The following PITPNM3 variants were observed in gnomAD, a reference collection of about 807,000 sequenced individuals.
PITPNM3 encodes PITPNM family member 3, also known as membrane-associated phosphatidylinositol transfer protein 3.
Under a neutral mutation model 102.0 loss-of-function variants are expected in PITPNM3, and 26 were observed. The observed-to-expected ratio is 0.25, with a 90% CI of 0.19 to 0.35. The LOEUF (loss-of-function observed/expected upper bound fraction) is 0.35. PITPNM3 is among the 10% of genes least tolerant of loss of function. PITPNM3 has a pLI of 1.00. For missense variants in PITPNM3, 1,083 were observed against 1,346.1 expected, an observed-to-expected ratio of 0.80 and a Z score of 3.06; for synonymous variants, 578 against 558.6, an observed-to-expected ratio of 1.03 and a Z score of -0.49.
At chr17:6,534,741 C>T (rs1282831995) in intron 2 of PITPNM3, among the ~76,000 whole-genome samples, 2 of 152,200 alleles carry the variant, frequency 1.3e-5, no homozygotes, top group Non-Finnish European at 2.9e-5. Flanking sequence ...AGTGTAGACG[C>T]CGCTTGGTTT....
rs759388090 is a variant in PITPNM3, at chr17:6,457,048, G to A, written c.2619+546C>T. ...TCAGAGTCCCCACACAGGCCATCTT[G>A]GCCGCACTGACCGTTCTAGCCCCGC... is the stretch of plus-strand genomic sequence containing the variant. On this transcript the variant is annotated intron_variant, in intron 19 of 19. Coordinates refer to ENST00000262483, the MANE Select transcript of PITPNM3 (RefSeq NM_031220.4). The surrounding 1 kb of genome is among the most constrained non-coding windows in gnomAD (Gnocchi z 4.7). Among the ~76,000 whole-genome samples the A allele has an allele frequency of 3.5e-4, 53 of 151,424 alleles. No homozygotes were observed. The highest frequency in any genetic ancestry group is 1.4e-3 in the Admixed American group (22 of 15,184).
rs925487174 is a variant in PITPNM3, at chr17:6,470,510, G to A, written c.1625-102C>T. ...CACAGACTGGTGGTGGATGCCCCAC[G>A]TGGGGCACGGGTTTGGGCGGGAGCA... On this transcript the variant is annotated intron_variant, in intron 12 of 19. Transcript: ENST00000262483. The surrounding 1 kb of genome is among the most constrained non-coding windows in gnomAD (Gnocchi z 4.8). The A allele has an allele frequency of 4.3e-5, 65 of 1,514,872 alleles. No homozygotes were observed. The East Asian group carries it at 6.6e-4, about 15-fold the overall frequency. 93.8% of individuals were successfully genotyped at this position (1,514,872 alleles called of 1,614,324 possible). A position where few individuals can be genotyped will look rare whatever the true frequency, so the allele number is the denominator to read the frequency against.
rs771152807 is a variant in PITPNM3, at chr17:6,478,139, G to C, written c.778-42C>G. ...TGGGACTGCAGGCCTGCCCACTGCT[G>C]ACCCCTCACCCCCACACCCGGCCAG... On this transcript the variant is annotated intron_variant, in intron 7 of 19. Transcript: ENST00000262483. This position sits in a 1 kb window ranked among gnomAD's most constrained non-coding sequence, Gnocchi z 4.4. 4.3e-6 allele frequency: 7 copies of C among 1,610,262 alleles called. No homozygotes were observed. In the African/African-American group the frequency reaches 6.7e-5, roughly 15 times the overall value.
chr17:6,456,431 C>A (rs1243828160), intron 19 of PITPNM3, among the ~76,000 whole-genome samples: 1 of 152,088 alleles, frequency 6.6e-6, no homozygotes, highest in Admixed American at 6.5e-5. Context: ...CTGAGCCCTG[C>A]GACTGCCCTC....
chr17:6,460,934 A>G (rs1392582720), intron 18 of PITPNM3: 9 of 276,054 alleles, frequency 3.3e-5, no homozygotes, highest in South Asian at 3.1e-4. Context: ...TGGTGCTGCT[A>G]GTGGGAACCA....
intron 3 of PITPNM3, 57 bp downstream of exon 3, chr17:6,525,299 C>CG: frequency 6.8e-7 from 1 of 1,473,154 alleles, no homozygotes; most frequent in Non-Finnish European, 9.5e-7. Context: ...AGCCCTACAG[C>CG]CCCCCCTGCA....
chr17:6,471,789 G>A (rs1196205351), intron 11 of PITPNM3, among the ~76,000 whole-genome samples: 1 of 152,158 alleles, frequency 6.6e-6, no homozygotes, highest in African/African-American at 2.4e-5. Context: ...GGGGACTCCA[G>A]CCTGAGAGCT....
At chr17:6,526,425 A>G (rs1021538581) in intron 2 of PITPNM3, among the ~76,000 whole-genome samples, 3 of 152,212 alleles carry the variant, frequency 2.0e-5, no homozygotes, top group African/African-American at 4.8e-5. Flanking sequence ...CGCAGAACAG[A>G]CATCAAAGGG....
Position 6,457,591 on chromosome 17 carries a change from C to A in PITPNM3, c.2619+3G>T, listed in dbSNP as rs1164465024. Reference sequence around the variant, plus strand: ...CCCCGCCTCCAGCCCCGCCTCCACCCACCTGGCACTGGGTTTGGTACTTCT... The same window carrying A: ...CCCCGCCTCCAGCCCCGCCTCCACCAACCTGGCACTGGGTTTGGTACTTCT... On this transcript the variant is annotated splice_donor_region_variant and intron_variant, in intron 19 of 19. Transcript: ENST00000262483. The surrounding 1 kb of genome is among the most constrained non-coding windows in gnomAD (Gnocchi z 4.7). The A allele has an allele frequency of 6.2e-7, 1 of 1,610,496 alleles. No homozygotes were observed. Among genetic ancestry groups the A allele is most frequent in the South Asian group, 1.1e-5 (1 of 90,802 alleles).
At chr17:6,552,019 T>C (rs1446149032) in intron 1 of PITPNM3, among the ~76,000 whole-genome samples, 1 of 152,162 alleles carries the variant, frequency 6.6e-6, no homozygotes, top group Admixed American at 6.5e-5. Flanking sequence ...CAGCGACCCA[T>C]TGTTAACGAG....
chr17:6,456,854 C>G (rs1914139160), intron 19 of PITPNM3, among the ~76,000 whole-genome samples: 1 of 152,186 alleles, frequency 6.6e-6, no homozygotes, highest in Non-Finnish European at 1.5e-5. Flanking sequence ...TCCTGCACAT[C>G]TGATCTGGGC....
intron 11 of PITPNM3, 69 bp from the exon 12 acceptor site, chr17:6,471,424 C>A: frequency 7.2e-7 from 1 of 1,385,128 alleles, no homozygotes; most frequent in Non-Finnish European, 9.6e-7. Flanking sequence ...CAGTGCCAGC[C>A]CCATGCTGGG....
At chr17:6,514,397 T>TA (rs1236001760) in intron 3 of PITPNM3, among the ~76,000 whole-genome samples, 3 of 150,480 alleles carry the variant, frequency 2.0e-5, no homozygotes, top group South Asian at 2.1e-4. Context: ...AAAGAACTCT[T>TA]ACAACTCAAC....
chr17:6,513,858 C>A (rs1908003442), intron 3 of PITPNM3, among the ~76,000 whole-genome samples: 1 of 152,194 alleles, frequency 6.6e-6, no homozygotes, highest in Non-Finnish European at 1.5e-5. Context: ...AGCTAGTGGA[C>A]CCCCACTTCC....
At chr17:6,473,064 T>C (rs1905139166) in intron 10 of PITPNM3, 1 of 579,526 alleles carries the variant, frequency 1.7e-6, no homozygotes. Flanking sequence ...CCAATCAGGC[T>C]TGCAGCTTTC....
Position 6,482,040 on chromosome 17 carries a change from GTCTCTCTCTC to G in PITPNM3, c.587+1467_587+1476del, listed in dbSNP as rs56855120. 9.1e-5 allele frequency among the ~76,000 whole-genome samples: 5 copies of G among 55,186 alleles called. No homozygotes were observed. The East Asian group carries it at 1.5e-3, about 16-fold the overall frequency. The allele number at this position is 55,186 out of a possible 152,430, so 36.2% of individuals were successfully genotyped here. A position where few individuals can be genotyped will look rare whatever the true frequency, so the allele number is the denominator to read the frequency against. On this transcript the variant is annotated intron_variant, in intron 6 of 19. Coordinates refer to ENST00000262483, the MANE Select transcript of PITPNM3 (RefSeq NM_031220.4). The stretch of plus-strand genomic sequence containing the variant: ...TCTCTCTCTCTCTCTCTCTCTGTCT[GTCTCTCTCTC>G]TCTCTCTCTCTCTCTGTCTCTCTCT...
intron 6 of PITPNM3, among the ~76,000 whole-genome samples, chr17:6,482,066 GTC>G (rs146498369): frequency 9.4e-4 from 45 of 47,712 alleles, no homozygotes; most frequent in South Asian, 1.6e-3. Context: ...CTCTCTCTCT[GTC>G]TCTCTCTCTC....
chr17:6,472,827 C>T lies in PITPNM3; in HGVS notation c.1259G>A (p.Gly420Asp). The part of the protein sequence containing the change: ...MRRTVLPGLD[G>D]FQVRPACSQV... ...GCTGCAGGCAGGACGCACCTGGAAG[C>T]CTGGGGTGAGTGGGAAGACAGAGGG... The change falls in exon 11 of 20, where the codon GGC becomes GAC. Residue 420 changes from glycine (G) to aspartate (D), a missense_variant and splice_region_variant. Gly to Asp is a moderately conservative substitution (Grantham distance 94). Around this residue, in one of 5 missense-constraint regions of PITPNM3, gnomAD observed 410 missense variants for 638.4 expected, o/e 0.64. Coordinates refer to ENST00000262483, the MANE Select transcript of PITPNM3 (RefSeq NM_031220.4). This position sits in a 1 kb window ranked among gnomAD's most constrained non-coding sequence, Gnocchi z 4.1. The T allele has an allele frequency of 6.2e-7, 1 of 1,613,982 alleles. No homozygotes were observed. Among genetic ancestry groups the T allele is most frequent in the Non-Finnish European group, 8.5e-7 (1 of 1,179,954 alleles).
intron 1 of PITPNM3, among the ~76,000 whole-genome samples, chr17:6,547,082 G>A (rs993569020): frequency 8.5e-5 from 13 of 152,060 alleles, no homozygotes; most frequent in South Asian, 2.1e-4. Context: ...GCTGCCTGTC[G>A]TCTTCACGAT....
Sources: gnomAD v4.1 joint callset for allele counts (sites outside exome capture counted in the v4.1 genomes callset) on GRCh38, gnomAD v4.1.1 for gene constraint, gnomAD v4.1.1 regional missense constraint, Gnocchi (gnomAD v3.1) non-coding constraint, MANE v1.5 for transcripts, NCBI Gene and HGNC (gene_info 2026-07-23, HGNC 2026-07-21) for gene names.